The following CACNA1C variants were observed in gnomAD, a reference collection of about 807,000 sequenced individuals.
The protein encoded by CACNA1C is calcium voltage-gated channel subunit alpha1 C.
CACNA1C carries 30 observed loss-of-function variants against 229.0 expected under a neutral mutation model. The ratio of observed to expected loss-of-function variants is 0.13; its 90% confidence interval spans 0.10 to 0.18. The LOEUF is 0.18. Ranked by LOEUF, CACNA1C falls within the 10% of genes least tolerant of loss-of-function variation. The probability of loss-of-function intolerance (pLI) is 1.00; values close to 1 mark genes in which losing one functional copy is unlikely to be tolerated. For missense variants in CACNA1C, 1,658 were observed against 2,845.0 expected (o/e 0.58, Z 9.49); for synonymous variants, 1,114 against 1,132.5 (o/e 0.98, Z 0.33).
At chr12:2,385,923 G>A (rs966635940) in intron 3 of CACNA1C, among the ~76,000 whole-genome samples, 4 of 152,156 alleles carry the variant, frequency 2.6e-5, no homozygotes, top group Admixed American at 1.3e-4. Context: ...AGAGGCCATC[G>A]CTTCCAGGAA....
At chr12:2,524,309 T>A (rs1218702113) in intron 9 of CACNA1C, among the ~76,000 whole-genome samples, 1 of 152,110 alleles carries the variant, frequency 6.6e-6, no homozygotes, top group Non-Finnish European at 1.5e-5. Flanking sequence ...ATAGACACCG[T>A]CTCTGTCCTA....
Position 2,479,147 on chromosome 12 carries a change from G to A in CACNA1C, c.758-6957G>A, listed in dbSNP as rs1001059702. Among the ~76,000 whole-genome samples the A allele has an allele frequency of 2.6e-5, 4 of 151,954 alleles. No individual in the cohort carries two copies. Among genetic ancestry groups the A allele is most frequent in the African/African-American group, 7.2e-5 (3 of 41,392 alleles). ...TCAAGGGCAGTTATGGGGCTCGGTG[G>A]GCACAGTAAGGACAGTGCCCTTCAC... On this transcript the variant is annotated intron_variant, in intron 5 of 46. Coordinates refer to ENST00000399655, the MANE Select transcript of CACNA1C (RefSeq NM_000719.7). The surrounding 1 kb of genome is among the most constrained non-coding windows in gnomAD (Gnocchi z 4.3).
chr12:2,677,096 G>A lies in CACNA1C; in HGVS notation c.4831G>A (p.Asp1611Asn), dbSNP rs1453332946. ...TCTCCCCTCTCCATACGTCTCAGAT[G>A]ATGAGGTCACCGTTGGCAAGTTCTA... ...LDQVVPPAGD[D>N]EVTVGKFYAT... Residue 1611 changes from aspartate (D) to asparagine (N), a missense_variant and splice_region_variant, in exon 40 of 47, where the codon GAT (aspartate) becomes AAT (asparagine). Physicochemically the swap from Asp to Asn is conservative, Grantham distance 23. Transcript: ENST00000399655. This position sits in a 1 kb window ranked among gnomAD's most constrained non-coding sequence, Gnocchi z 7.4. 1.9e-6 allele frequency: 3 copies of A among 1,612,602 alleles called. No homozygotes were observed. Among genetic ancestry groups the A allele is most frequent in the South Asian group, 2.2e-5 (2 of 90,660 alleles).
At position 2,597,933 on chromosome 12, in the gene CACNA1C, A is replaced by C. The variant is rs2069283035; in HGVS notation, c.2853+644A>C. Reference sequence around the variant, plus strand: ...GGGAAACCTCCTGGGGCGTGAAAGAATCACTTGAGCTACTCTCTTTGGATG... The same window carrying C: ...GGGAAACCTCCTGGGGCGTGAAAGACTCACTTGAGCTACTCTCTTTGGATG... On this transcript the variant is annotated intron_variant, in intron 21 of 46. Coordinates refer to ENST00000399655, the MANE Select transcript of CACNA1C (RefSeq NM_000719.7). This position sits in a 1 kb window ranked among gnomAD's most constrained non-coding sequence, Gnocchi z 4.3. Among the ~76,000 whole-genome samples the C allele has an allele frequency of 6.6e-6, 1 of 152,222 alleles. No homozygotes were observed. Among genetic ancestry groups the C allele is most frequent in the Non-Finnish European group, 1.5e-5 (1 of 68,042 alleles).
chr12:2,517,363 C>G (rs1037032493), intron 9 of CACNA1C, among the ~76,000 whole-genome samples: 47 of 152,318 alleles, frequency 3.1e-4, no homozygotes, highest in African/African-American at 1.1e-3. Flanking sequence ...TGCCCATGGC[C>G]TCAAGACAGT....
intron 3 of CACNA1C, among the ~76,000 whole-genome samples, chr12:2,203,268 C>A (rs1345713919): frequency 3.3e-5 from 5 of 152,174 alleles, no homozygotes; most frequent in Admixed American, 3.3e-4. Flanking sequence ...GTCCTCATGT[C>A]CCCATAGGAA....
At chr12:2,118,990 G>A (rs1015650584) in intron 2 of CACNA1C, among the ~76,000 whole-genome samples, 4 of 152,120 alleles carry the variant, frequency 2.6e-5, no homozygotes, top group Non-Finnish European at 5.9e-5. Flanking sequence ...ATAATCACTC[G>A]GGTTCCTCCC....
At chr12:2,195,305 T>C (rs893655531) in intron 3 of CACNA1C, among the ~76,000 whole-genome samples, 12 of 152,158 alleles carry the variant, frequency 7.9e-5, no homozygotes, top group Non-Finnish European at 1.5e-4. Context: ...GAGGGATTCT[T>C]CCGCAGGAAA....
chr12:2,044,480 C>T (rs566948660), intron 1 of CACNA1C, among the ~76,000 whole-genome samples: 1 of 152,164 alleles, frequency 6.6e-6, no homozygotes, highest in East Asian at 1.9e-4. Context: ...TGTAACTTCC[C>T]CGCCCCCAGG....
chr12:2,688,667 G>A lies in CACNA1C; in HGVS notation c.6005G>A (p.Gly2002Asp). Reference sequence around the variant, plus strand: ...TCCTGGGCTGAGACCACCCCCGGTGGCGGGGGCAGCAGCGCCGCCCGGAGA... The same window carrying A: ...TCCTGGGCTGAGACCACCCCCGGTGACGGGGGCAGCAGCGCCGCCCGGAGA... ...CGSWAETTPG[G>D]GGSSAARRVR... Residue 2002 changes from glycine (G) to aspartate (D), a missense_variant, in exon 46 of 47, where the codon GGC becomes GAC. Around this residue, in one of 20 missense-constraint regions of CACNA1C, gnomAD observed 590 missense variants for 700.8 expected, o/e 0.84. Coordinates refer to ENST00000399655, the MANE Select transcript of CACNA1C (RefSeq NM_000719.7). 1 of 1,613,520 alleles carries A rather than the reference G, an allele frequency of 6.2e-7. No homozygotes were observed. The highest frequency in any genetic ancestry group is 8.5e-7 in the Non-Finnish European group (1 of 1,179,760).
At position 2,640,780 on chromosome 12, in the gene CACNA1C, C is replaced by G. The variant is rs528995468; in HGVS notation, c.3912+6400C>G. Among the ~76,000 whole-genome samples the G allele has an allele frequency of 8.5e-5, 13 of 152,372 alleles. No homozygotes were observed. In the South Asian group the frequency reaches 2.3e-3, roughly 27 times the overall value. ...AACTTCCTATAACTGTCACTCACTA[C>G]TCTCCACAACAATCACAAGCAAGCC... On this transcript the variant is annotated intron_variant, in intron 30 of 46. Coordinates refer to ENST00000399655, the MANE Select transcript of CACNA1C (RefSeq NM_000719.7).
chr12:2,629,160 T>A (rs2088984045), intron 29 of CACNA1C, among the ~76,000 whole-genome samples: 1 of 152,222 alleles, frequency 6.6e-6, no homozygotes, highest in African/African-American at 2.4e-5. Context: ...GACGAGATTC[T>A]TGAAATTGCA....
intron 3 of CACNA1C, among the ~76,000 whole-genome samples, chr12:2,337,017 C>A (rs1197696818): frequency 6.6e-6 from 1 of 152,182 alleles, no homozygotes; most frequent in East Asian, 1.9e-4. Flanking sequence ...ACCATCCATC[C>A]ATCCATCCAA....
chr12:2,116,569 G>A (rs1173333525), intron 2 of CACNA1C, among the ~76,000 whole-genome samples: 1 of 152,046 alleles, frequency 6.6e-6, no homozygotes, highest in Non-Finnish European at 1.5e-5. Flanking sequence ...GGGTTTCACC[G>A]TGTTAGCCAG....
chr12:2,365,165 G>A (rs1195090577), intron 3 of CACNA1C, among the ~76,000 whole-genome samples: 5 of 152,232 alleles, frequency 3.3e-5, no homozygotes, highest in Admixed American at 6.5e-5. Flanking sequence ...TGGAGCGTGT[G>A]TAGGGGCCAG....
chr12:2,515,388 T>G (rs1432700594), intron 9 of CACNA1C, among the ~76,000 whole-genome samples: 1 of 152,196 alleles, frequency 6.6e-6, no homozygotes, highest in Non-Finnish European at 1.5e-5. Flanking sequence ...TCAGAAACTA[T>G]CTTCCTGTCT....
At chr12:2,614,499 T>C (rs1274535059) in intron 29 of CACNA1C, 6 of 152,184 alleles carry the variant, frequency 3.9e-5, no homozygotes, top group African/African-American at 1.4e-4. Context: ...AGCTCCAAAA[T>C]TTTCAGGCAG....
At chr12:2,065,933 A>G (rs2059114998) in intron 1 of CACNA1C, among the ~76,000 whole-genome samples, 1 of 152,076 alleles carries the variant, frequency 6.6e-6, no homozygotes, top group South Asian at 2.1e-4. Context: ...GAAGGGGATA[A>G]TGCGTGGAGC....
At chr12:2,114,993 G>T (rs2083264982) in intron 1 of CACNA1C, among the ~76,000 whole-genome samples, 1 of 152,224 alleles carries the variant, frequency 6.6e-6, no homozygotes, top group Admixed American at 6.5e-5. Context: ...GAGGCAAGGA[G>T]ACTAGAGCGG....
Sources: allele counts gnomAD v4.1 joint callset (sites outside exome capture counted in the v4.1 genomes callset), GRCh38; gene constraint gnomAD v4.1.1; regional missense constraint gnomAD v4.1.1; non-coding constraint Gnocchi (gnomAD v3.1); transcripts MANE v1.5; gene names NCBI Gene and HGNC (gene_info 2026-07-23, HGNC 2026-07-21).